The following NRXN3 variants were observed in gnomAD, a reference collection of about 807,000 sequenced individuals.
The protein encoded by NRXN3 is neurexin 3.
In NRXN3, 32 loss-of-function variants were observed where a neutral mutation model predicts 137.6. The ratio of observed to expected loss-of-function variants is 0.23; its 90% CI spans 0.18 to 0.31. NRXN3 has a LOEUF of 0.31. Among genes scored for constraint, NRXN3 ranks in the 10% least tolerant of loss-of-function variants. The pLI is 1.00. For missense variants in NRXN3, 1,574 were observed against 2,062.5 expected, an observed-to-expected ratio of 0.76 and a Z score of 4.59; for synonymous variants, 798 against 784.5, an observed-to-expected ratio of 1.02 and a Z score of -0.29.
intron 15 of NRXN3, among the ~76,000 whole-genome samples, chr14:79,075,517 G>A (rs1447216357): frequency 1.3e-5 from 2 of 152,058 alleles, no homozygotes; most frequent in African/African-American, 2.4e-5. Context: ...CTGAAATTTC[G>A]ACTTTATAAA....
chr14:78,366,876 T>C (rs369282312), intron 4 of NRXN3, among the ~76,000 whole-genome samples: 5 of 152,176 alleles, frequency 3.3e-5, no homozygotes, highest in African/African-American at 1.2e-4. Flanking sequence ...ATATCATTGG[T>C]GTATTTCCTT....
At chr14:78,840,731 T>C (rs1423862899) in intron 10 of NRXN3, among the ~76,000 whole-genome samples, 2 of 152,148 alleles carry the variant, frequency 1.3e-5, no homozygotes, top group African/African-American at 4.8e-5. Flanking sequence ...ACACTTTACT[T>C]TCACATTCGC....
chr14:79,753,505 A>G (rs1188338763), intron 19 of NRXN3, among the ~76,000 whole-genome samples: 2 of 140,594 alleles, frequency 1.4e-5, no homozygotes, highest in Admixed American at 7.7e-5. Context: ...TCACTCATAG[A>G]TGGGAATTGA....
intron 16 of NRXN3, among the ~76,000 whole-genome samples, chr14:79,539,659 CT>C (rs1236200444): frequency 2.0e-4 from 30 of 152,282 alleles, no homozygotes; most frequent in Middle Eastern, 6.8e-3. Context: ...CCCATAAGGA[CT>C]AGAGAAAAGA....
chr14:79,703,371 C>T (rs368998773), intron 19 of NRXN3, among the ~76,000 whole-genome samples: 4 of 152,108 alleles, frequency 2.6e-5, no homozygotes, highest in South Asian at 2.1e-4. Context: ...GTTCATCCTG[C>T]GCAACGTCTG....
chr14:79,086,806 A>G (rs2048200102), intron 15 of NRXN3, among the ~76,000 whole-genome samples: 1 of 152,206 alleles, frequency 6.6e-6, no homozygotes, highest in African/African-American at 2.4e-5. Context: ...CTTGATCTGT[A>G]ACTACAAGAT....
intron 15 of NRXN3, among the ~76,000 whole-genome samples, chr14:79,044,587 A>G (rs1440469740): frequency 6.6e-6 from 1 of 152,144 alleles, no homozygotes; most frequent in Non-Finnish European, 1.5e-5. Context: ...ACTACTGTTG[A>G]TGATAATACT....
intron 16 of NRXN3, among the ~76,000 whole-genome samples, chr14:79,589,886 G>T (rs1384836250): frequency 1.3e-5 from 2 of 152,050 alleles, no homozygotes; most frequent in African/African-American, 4.8e-5. Context: ...TTAACTAAAA[G>T]CTATTGAATG....
At chr14:79,443,424 G>A (rs944108996) in intron 15 of NRXN3, among the ~76,000 whole-genome samples, 7 of 152,100 alleles carry the variant, frequency 4.6e-5, no homozygotes, top group Non-Finnish European at 8.8e-5. Context: ...AGTAATACAT[G>A]CTTTATAAAT....
intron 15 of NRXN3, among the ~76,000 whole-genome samples, chr14:79,330,797 C>A (rs2153319412): frequency 6.6e-6 from 1 of 152,340 alleles, no homozygotes; most frequent in South Asian, 2.1e-4. Context: ...GTAGATATTT[C>A]ACTTTCCTGT....
At chr14:78,422,725 T>G (rs545779915) in intron 4 of NRXN3, among the ~76,000 whole-genome samples, 1 of 152,346 alleles carries the variant, frequency 6.6e-6, no homozygotes, top group South Asian at 2.1e-4. Flanking sequence ...TTTGCCTCTT[T>G]CTTTCAGTTC....
chr14:78,570,165 G>A (rs1044543447), intron 4 of NRXN3, among the ~76,000 whole-genome samples: 7 of 152,292 alleles, frequency 4.6e-5, no homozygotes, highest in African/African-American at 1.7e-4. Context: ...AGAGCCTTTG[G>A]GAGGTAATTA....
In NRXN3 at chr14:78,819,733, A is replaced by G. The variant is rs2098945149; in HGVS notation, c.2275+9389A>G. Reference sequence around the variant, plus strand: ...ATGACCTTAACCTTGCTGGATTTGCAAATAAGAGCAAAAGTTAATTTGAGC... The same window carrying G: ...ATGACCTTAACCTTGCTGGATTTGCGAATAAGAGCAAAAGTTAATTTGAGC... On this transcript the variant is annotated intron_variant, in intron 10 of 20. Coordinates refer to ENST00000335750, the MANE Select transcript of NRXN3 (RefSeq NM_001330195.2). 2.0e-5 allele frequency among the ~76,000 whole-genome samples: 3 copies of G among 152,188 alleles called. No individual in the cohort carries two copies. The South Asian group carries it at 6.2e-4, about 32-fold the overall frequency.
intron 2 of NRXN3, among the ~76,000 whole-genome samples, chr14:78,258,932 A>T (rs1281973856): frequency 6.6e-6 from 1 of 152,116 alleles, no homozygotes; most frequent in African/African-American, 2.4e-5. Context: ...GGAGTTTGAG[A>T]CCAGCCTGGC....
rs144026434 is a variant in NRXN3, at chr14:79,818,544, G to A, written c.4093+13354G>A. Among the ~76,000 whole-genome samples, 383 of 152,204 alleles carry A rather than the reference G, an allele frequency of 2.5e-3. 3 individuals carry two copies. Among genetic ancestry groups the A allele is most frequent in the African/African-American group, 9.0e-3 (373 of 41,522 alleles). ...AGAACACAGTGATTTAGGTGTTACAGCTAAAAGAAAGCAAAAAACAACAAC... is the reference window on the plus strand; with the variant it reads ...AGAACACAGTGATTTAGGTGTTACAACTAAAAGAAAGCAAAAAACAACAAC... On this transcript the variant is annotated intron_variant, in intron 20 of 20. Transcript: ENST00000335750.
At chr14:79,401,411 C>T (rs2095190550) in intron 15 of NRXN3, among the ~76,000 whole-genome samples, 1 of 152,148 alleles carries the variant, frequency 6.6e-6, no homozygotes, top group Non-Finnish European at 1.5e-5. Flanking sequence ...ATCCTCTAGT[C>T]CCACACCAGA....
chr14:78,803,738 G>A lies in NRXN3; in HGVS notation c.2163G>A (p.Leu721=), dbSNP rs2098846431. 6.2e-7 allele frequency: 1 copy of A among 1,614,118 alleles called. No individual in the cohort carries two copies. Among genetic ancestry groups the A allele is most frequent in the East Asian group, 2.2e-5 (1 of 44,870 alleles). The change falls in exon 9 of 21, where the codon CTG becomes CTA. Residue 721 remains leucine, a synonymous_variant. Coordinates refer to ENST00000335750, the MANE Select transcript of NRXN3 (RefSeq NM_001330195.2). ...FRFMSQRAYG[L]LVATTSRDSA... is the part of the protein sequence containing the mutation. ...TCATGTCCCAGCGAGCTTATGGGCT[G>A]CTGGTGGCTACGACCTCCAGGGACT...
chr14:79,754,141 G>T (rs2099009167), intron 19 of NRXN3, among the ~76,000 whole-genome samples: 1 of 151,880 alleles, frequency 6.6e-6, no homozygotes, highest in Admixed American at 6.6e-5. Flanking sequence ...GGCCAACATG[G>T]TGAAACCCCT....
At chr14:78,403,721 T>C in intron 4 of NRXN3, 1 of 977,142 alleles carries the variant, frequency 1.0e-6, no homozygotes, top group Non-Finnish European at 1.2e-6. Flanking sequence ...TAGGTGTTAG[T>C]GAGATTATCA....
Sources: gnomAD v4.1 joint callset for allele counts (sites outside exome capture counted in the v4.1 genomes callset) on GRCh38, gnomAD v4.1.1 for gene constraint, MANE v1.5 for transcripts, NCBI Gene and HGNC (gene_info 2026-07-23, HGNC 2026-07-21) for gene names.